The following KPNA7 variants were observed in gnomAD, a reference collection of about 807,000 sequenced individuals.
KPNA7 encodes karyopherin subunit alpha 7, also known as importin subunit alpha-8.
Under a neutral mutation model 53.7 loss-of-function variants are expected in KPNA7, and 54 were observed. That is an observed-to-expected ratio of 1.01 (90% confidence interval 0.81 to 1.26). KPNA7 has a LOEUF of 1.26. Ranked by LOEUF, KPNA7 falls within the 50% of genes most tolerant of loss-of-function variation. The pLI is 0.00. For synonymous variants in KPNA7, 276 were observed against 259.3 expected (o/e 1.06, Z -0.62); for missense variants, 640 against 644.5 (o/e 0.99, Z 0.07).
At chr7:99,211,102 G>T (rs1029004603), upstream of KPNA7, among the ~76,000 whole-genome samples, 4 of 152,174 alleles carry the variant, frequency 2.6e-5, no homozygotes, top group Non-Finnish European at 5.9e-5. Context: ...GGGCAGTGCA[G>T]ACAACTTGGA....
intron 6 of KPNA7, among the ~76,000 whole-genome samples, chr7:99,189,576 A>G (rs1789828715): frequency 6.6e-6 from 1 of 151,998 alleles, no homozygotes; most frequent in Admixed American, 6.6e-5. Flanking sequence ...ACCCTCAGAG[A>G]GGCATCTATA....
chr7:99,210,409 T>C (rs540079182), upstream of KPNA7, among the ~76,000 whole-genome samples: 1 of 134,388 alleles, frequency 7.4e-6, no homozygotes, highest in South Asian at 2.9e-4. Context: ...GTAACAGTAC[T>C]GTGTCTTAGG....
At chr7:99,184,151 A>G (rs1458667955) in intron 8 of KPNA7, among the ~76,000 whole-genome samples, 1 of 107,678 alleles carries the variant, frequency 9.3e-6, no homozygotes, top group African/African-American at 3.7e-5. Flanking sequence ...GCCTGCCCAC[A>G]ACCTTTTTTT....
chr7:99,167,106 T>A, the KPNA7 span, among the ~76,000 whole-genome samples: 1 of 152,318 alleles, frequency 6.6e-6, no homozygotes, highest in African/African-American at 2.4e-5. Context: ...CTCTCCAACC[T>A]CAGCCTCTCA....
In KPNA7 at chr7:99,185,009, C is replaced by T. The variant is rs767466901; in HGVS notation, c.1054G>A (p.Val352Ile). The T allele has an allele frequency of 2.3e-5, 36 of 1,551,782 alleles. No homozygotes were observed. The highest frequency in any genetic ancestry group is 1.2e-4 in the African/African-American group (9 of 73,038). The change falls in exon 8 of 11, where the codon GTA becomes ATA. Residue 352 changes from valine to isoleucine, a missense_variant. Val to Ile is a conservative substitution (Grantham distance 29). Transcript: ENST00000327442. ...QKEAAWALSN[V>I]AAGPCHHIQQ... Reference sequence around the variant, plus strand: ...ATGTGGTGACAAGGCCCCGCTGCTACGTTGCTCAGGGCCCAGGCTGCCTCC... The same window carrying T: ...ATGTGGTGACAAGGCCCCGCTGCTATGTTGCTCAGGGCCCAGGCTGCCTCC...
At chr7:99,162,097 G>A in the KPNA7 span, among the ~76,000 whole-genome samples, 4 of 146,434 alleles carry the variant, frequency 2.7e-5, no homozygotes, top group Non-Finnish European at 5.9e-5. Flanking sequence ...CCAGGCTGGA[G>A]TGCAGTGGTG....
chr7:99,150,157 G>T, the KPNA7 span, among the ~76,000 whole-genome samples: 5 of 151,934 alleles, frequency 3.3e-5, no homozygotes, highest in Non-Finnish European at 7.4e-5. Flanking sequence ...GTGCAGTGGT[G>T]CAATCATAGT....
chr7:99,180,830 C>T (rs1327274507), intron 9 of KPNA7, among the ~76,000 whole-genome samples: 5 of 18,360 alleles, frequency 2.7e-4, no homozygotes, highest in Non-Finnish European at 5.8e-4. Flanking sequence ...TCTCTCTCTC[C>T]CCGTCTGTCT....
At chr7:99,183,470 T>C (rs1436597994) in intron 8 of KPNA7, among the ~76,000 whole-genome samples, 1 of 152,194 alleles carries the variant, frequency 6.6e-6, no homozygotes, top group African/African-American at 2.4e-5. Context: ...GAAATATAAA[T>C]GTCCTTTGAT....
chr7:99,165,389 TAC>T, the KPNA7 span, among the ~76,000 whole-genome samples: 2 of 150,768 alleles, frequency 1.3e-5, no homozygotes, highest in Non-Finnish European at 2.9e-5. Flanking sequence ...GGAAAGAGGG[TAC>T]AGAGTCTCCC....
At position 99,195,315 on chromosome 7, in the gene KPNA7, T is replaced by G; in HGVS notation, c.308A>C (p.Asn103Thr). 6.4e-7 allele frequency: 1 copy of G among 1,550,868 alleles called. No homozygotes were observed. Among genetic ancestry groups the G allele is most frequent in the Non-Finnish European group, 8.7e-7 (1 of 1,146,788 alleles). ...TTCAATGACCAGTTTCAGAGGGGGG[T>G]TCTTTTCCTGGGATAGCATTTTCCT... ...TARKMLSQEK[N>T]PPLKLVIEAG... Residue 103 changes from asparagine to threonine, a missense_variant, in exon 5 of 11, where the codon AAC (asparagine) becomes ACC (threonine). By Grantham distance (65) the Asn-to-Thr change is moderately conservative. Coordinates refer to ENST00000327442, the MANE Select transcript of KPNA7 (RefSeq NM_001145715.3).
chr7:99,168,593 C>G (rs1798716655), downstream of KPNA7, among the ~76,000 whole-genome samples: 1 of 152,212 alleles, frequency 6.6e-6, no homozygotes, highest in Non-Finnish European at 1.5e-5. Flanking sequence ...TCACAGCTGC[C>G]TCAACCTCCT....
chr7:99,213,420 C>T lies in KPNA7; in HGVS notation c.-23-5931G>A, dbSNP rs1791125372. On this transcript the variant is annotated intron_variant, in intron 1 of 10. Transcript: ENST00000681060. ...AGGATTACATGTGTGAGCCACTGCA[C>T]CTGGCCTTTTAAAAAAAAAAAAAAA... 2.3e-5 allele frequency among the ~76,000 whole-genome samples: 3 copies of T among 129,378 alleles called. No homozygotes were observed. In the Admixed American group the frequency reaches 2.8e-4, roughly 12 times the overall value. The allele number at this position is 129,378 out of a possible 152,430, so 84.9% of individuals were successfully genotyped here. A position where few individuals can be genotyped will look rare whatever the true frequency, so the allele number is the denominator to read the frequency against.
intron 1 of KPNA7, among the ~76,000 whole-genome samples, chr7:99,215,598 G>A (rs946144863): frequency 1.4e-5 from 2 of 143,274 alleles, no homozygotes; most frequent in Non-Finnish European, 3.0e-5. Flanking sequence ...TGCTTCTCCA[G>A]GCTTCTCTGG....
intron 10 of KPNA7, among the ~76,000 whole-genome samples, chr7:99,176,447 A>G (rs568840398): frequency 8.5e-5 from 13 of 152,312 alleles, no homozygotes; most frequent in African/African-American, 3.1e-4. Context: ...AAGGGTGTGG[A>G]GAAATTGGAA....
At chr7:99,177,051 G>A (rs1428863466) in intron 10 of KPNA7, among the ~76,000 whole-genome samples, 1 of 152,122 alleles carries the variant, frequency 6.6e-6, no homozygotes, top group Non-Finnish European at 1.5e-5. Flanking sequence ...CCTTAAAAAG[G>A]AAAGCAATCC....
At chr7:99,196,468 A>C (rs977734436) in intron 3 of KPNA7, among the ~76,000 whole-genome samples, 53 of 152,204 alleles carry the variant, frequency 3.5e-4, no homozygotes, top group African/African-American at 1.2e-3. Context: ...AAGGACATCC[A>C]AAAAATTCTC....
intron 7 of KPNA7, among the ~76,000 whole-genome samples, chr7:99,185,757 T>C (rs948176556): frequency 1.3e-5 from 2 of 152,146 alleles, no homozygotes; most frequent in African/African-American, 4.8e-5. Context: ...TGCTTTCAGT[T>C]TCATCATCAA....
chr7:99,178,771 C>CA (rs756807848), intron 9 of KPNA7, among the ~76,000 whole-genome samples: 447 of 27,708 alleles, frequency 0.016, 38 homozygotes, highest in Middle Eastern at 0.062. Flanking sequence ...ATCTTTGTCT[C>CA]AAAAAAAAAA....
Sources: allele counts gnomAD v4.1 joint callset (sites outside exome capture counted in the v4.1 genomes callset), GRCh38; gene constraint gnomAD v4.1.1; transcripts MANE v1.5; gene names NCBI Gene and HGNC (gene_info 2026-07-23, HGNC 2026-07-21).